Variants in SLC45A2 observed in about 807,000 individuals in gnomAD.
SLC45A2 encodes membrane-associated transporter protein.
In SLC45A2, 36 loss-of-function variants were observed where a neutral mutation model predicts 45.5. The ratio of observed to expected loss-of-function variants is 0.79; its 90% CI spans 0.61 to 1.04. SLC45A2 has a LOEUF of 1.04. Among genes scored for constraint, SLC45A2 ranks in the 50% least tolerant of loss-of-function variants. The pLI is 0.00. For synonymous variants in SLC45A2, 306 were observed against 269.3 expected, an observed-to-expected ratio of 1.14 and a Z score of -1.33; for missense variants, 719 against 671.0, an observed-to-expected ratio of 1.07 and a Z score of -0.79.
In SLC45A2 at chr5:33,963,746, T is replaced by C. The variant is rs1752516897; in HGVS notation, c.833A>G (p.Tyr278Cys). Residue 278 changes from tyrosine (Y) to cysteine (C), a missense_variant, in exon 3 of 7, where the codon TAC becomes TGC. Physicochemically the swap from Tyr to Cys is radical, Grantham distance 194. Coordinates refer to ENST00000296589, the MANE Select transcript of SLC45A2 (RefSeq NM_016180.5). The part of the protein sequence containing the change: ...YGSIEKVKNG[Y>C]VNPELAMQGA... ...CTGCATTGCCAGCTCTGGATTTACG[T>C]AACCATTTTTAACTTTCTCGATAGA... 1.9e-6 allele frequency: 3 copies of C among 1,614,210 alleles called. No homozygotes were observed. The highest frequency in any genetic ancestry group is 4.5e-5 in the East Asian group (2 of 44,880).
At chr5:33,969,004 GT>G (rs1752689978) in intron 2 of SLC45A2, among the ~76,000 whole-genome samples, 1 of 144,958 alleles carries the variant, frequency 6.9e-6, no homozygotes, top group African/African-American at 2.5e-5. Context: ...TTCCCACCAG[GT>G]ACATACTAAA....
At chr5:33,977,971 T>C (rs967875048) in intron 2 of SLC45A2, among the ~76,000 whole-genome samples, 2 of 152,088 alleles carry the variant, frequency 1.3e-5, no homozygotes, top group Admixed American at 6.6e-5. Flanking sequence ...GTTGGCTCAA[T>C]TGGAGTGGGA....
intron 6 of SLC45A2, chr5:33,946,513 T>G: frequency 1.0e-6 from 1 of 985,490 alleles, no homozygotes; most frequent in Non-Finnish European, 1.2e-6. Flanking sequence ...AATTTTAGAG[T>G]GGAAACACCA....
At chr5:33,981,863 A>C (rs1291406795) in intron 2 of SLC45A2, among the ~76,000 whole-genome samples, 1 of 152,234 alleles carries the variant, frequency 6.6e-6, no homozygotes, top group African/African-American at 2.4e-5. Flanking sequence ...GAATAACTGG[A>C]GAAGGAGCCC....
At chr5:33,963,563 T>TA in intron 3 of SLC45A2, 128 bp downstream of exon 3, 1 of 1,029,778 alleles carries the variant, frequency 9.7e-7, no homozygotes, top group Non-Finnish European at 1.5e-6. Flanking sequence ...TACGGGGGAT[T>TA]TGGGAATTCA....
Position 33,963,846 on chromosome 5 carries a change from C to T in SLC45A2, c.733G>A (p.Val245Ile). 2 of 1,614,116 alleles carry T rather than the reference C, an allele frequency of 1.2e-6. No homozygotes were observed. The highest frequency in any genetic ancestry group is 1.7e-6 in the Non-Finnish European group (2 of 1,180,008). The change falls in exon 3 of 7, where the codon GTT becomes ATT. Residue 245 changes from valine (V) to isoleucine (I), a missense_variant. Val to Ile is a conservative substitution (Grantham distance 29). Transcript: ENST00000296589. ...TGCTGTGGGGGAATGCCCTTTGCAA[C>T]CTCTGTAAGTGGGGCTTCAGAGATA... ...CSISEAPLTE[V>I]AKGIPPQQTP...
At chr5:33,956,444 C>T (rs1752278397) in intron 3 of SLC45A2, among the ~76,000 whole-genome samples, 1 of 88,614 alleles carries the variant, frequency 1.1e-5, no homozygotes, top group Non-Finnish European at 4.2e-5. Flanking sequence ...AGAGAAAAGA[C>T]CATGACAACA....
At chr5:33,946,304 C>G in intron 6 of SLC45A2, 2 of 985,438 alleles carry the variant, frequency 2.0e-6, no homozygotes, top group Non-Finnish European at 2.4e-6. Flanking sequence ...GCACCTCTGC[C>G]CTGCTGCCAG....
At chr5:33,962,444 AAAG>A (rs1561363608) in intron 3 of SLC45A2, among the ~76,000 whole-genome samples, 1 of 152,258 alleles carries the variant, frequency 6.6e-6, no homozygotes, top group Non-Finnish European at 1.5e-5. Context: ...CAAGCCAACA[AAAG>A]AAGTTGACCT....
intron 2 of SLC45A2, among the ~76,000 whole-genome samples, chr5:33,980,840 C>T (rs781113842): frequency 3.3e-5 from 5 of 152,142 alleles, no homozygotes; most frequent in Non-Finnish European, 5.9e-5. Flanking sequence ...ATGCCAGGTA[C>T]GGTAGCCAAG....
At chr5:33,952,214 A>C (rs1453994857) in intron 4 of SLC45A2, among the ~76,000 whole-genome samples, 1 of 151,644 alleles carries the variant, frequency 6.6e-6, no homozygotes, top group African/African-American at 2.4e-5. Context: ...GCATCCTTGA[A>C]CCCCTGGCCT....
At chr5:33,949,433 A>T (rs1303154075) in intron 5 of SLC45A2, among the ~76,000 whole-genome samples, 1 of 152,232 alleles carries the variant, frequency 6.6e-6, no homozygotes, top group Non-Finnish European at 1.5e-5. Flanking sequence ...TAGAAAGAGC[A>T]GTTCAGGCAG....
At chr5:33,946,264 C>T in intron 6 of SLC45A2, 1 of 985,446 alleles carries the variant, frequency 1.0e-6, no homozygotes, top group Non-Finnish European at 1.2e-6. Context: ...GAAAGCCACA[C>T]CTCTTTTTTG....
intron 2 of SLC45A2, among the ~76,000 whole-genome samples, chr5:33,977,464 C>T (rs1752961428): frequency 6.6e-6 from 1 of 152,046 alleles, no homozygotes; most frequent in South Asian, 2.1e-4. Flanking sequence ...GGATCTAGTC[C>T]CCGACCAAGT....
intron 2 of SLC45A2, among the ~76,000 whole-genome samples, 190 bp from the exon 3 acceptor site, chr5:33,964,206 T>C (rs1235846609): frequency 1.3e-5 from 2 of 152,210 alleles, no homozygotes; most frequent in Non-Finnish European, 2.9e-5. Flanking sequence ...GTTTTGGCTC[T>C]AGCATTTACT....
intron 5 of SLC45A2, among the ~76,000 whole-genome samples, chr5:33,950,306 CT>C (rs1752061386): frequency 6.6e-6 from 1 of 152,120 alleles, no homozygotes; most frequent in South Asian, 2.1e-4. Context: ...GTCTAACATT[CT>C]TTTATTCTAT....
At chr5:33,983,920 C>A (rs559494333) in intron 1 of SLC45A2, among the ~76,000 whole-genome samples, 2 of 152,048 alleles carry the variant, frequency 1.3e-5, no homozygotes, top group Admixed American at 6.6e-5. Context: ...ATATTCAATT[C>A]GATAAAATAG....
chr5:33,976,212 G>A (rs946744677), intron 2 of SLC45A2, among the ~76,000 whole-genome samples: 2 of 152,146 alleles, frequency 1.3e-5, no homozygotes, highest in Non-Finnish European at 2.9e-5. Flanking sequence ...GAGAACACGG[G>A]GAAGGGCTGA....
At chr5:33,946,755 G>C in intron 6 of SLC45A2, 1 of 1,099,802 alleles carries the variant, frequency 9.1e-7, no homozygotes, top group Non-Finnish European at 1.1e-6. Flanking sequence ...GTTGGGGATA[G>C]GGAGACCCTT....
Sources: allele counts gnomAD v4.1 joint callset (sites outside exome capture counted in the v4.1 genomes callset), GRCh38; gene constraint gnomAD v4.1.1; transcripts MANE v1.5; gene names NCBI Gene and HGNC (gene_info 2026-07-23, HGNC 2026-07-21).